The following GRID2 variants were observed in gnomAD, a reference collection of about 807,000 sequenced individuals.
GRID2 encodes the protein glutamate receptor ionotropic, delta-2.
A neutral mutation model predicts 114.8 loss-of-function variants in GRID2; 33 were observed. That is an observed-to-expected ratio of 0.29 (90% CI 0.22 to 0.38). GRID2 has a LOEUF of 0.38. GRID2 is among the 10% of genes least tolerant of loss of function. The pLI, the probability that GRID2 is intolerant of heterozygous loss-of-function variation, is 1.00. For missense variants in GRID2, 1,184 were observed against 1,257.7 expected (o/e 0.94, Z 0.89); for synonymous variants, 505 against 449.9 (o/e 1.12, Z -1.55).
At chr4:92,794,874 T>TTTTATATATATA (rs139320071) in intron 2 of GRID2, among the ~76,000 whole-genome samples, 9 of 106,034 alleles carry the variant, frequency 8.5e-5, no homozygotes, top group African/African-American at 3.7e-4. Context: ...AATAATTGTT[T>TTTTATATATATA]TATATATATA....
chr4:93,593,747 C>T (rs962151131), intron 13 of GRID2, among the ~76,000 whole-genome samples: 9 of 152,208 alleles, frequency 5.9e-5, no homozygotes, highest in African/African-American at 1.9e-4. Flanking sequence ...GGAGGCTTTG[C>T]TCGTTTCTTT....
intron 2 of GRID2, among the ~76,000 whole-genome samples, chr4:92,953,530 T>C (rs1211754690): frequency 6.6e-6 from 1 of 152,186 alleles, no homozygotes; most frequent in Admixed American, 6.5e-5. Context: ...TTTAATATTA[T>C]ATTTTCTCTT....
chr4:93,168,144 C>T (rs6825178), intron 4 of GRID2, among the ~76,000 whole-genome samples: 4 of 151,518 alleles, frequency 2.6e-5, no homozygotes, highest in Admixed American at 6.6e-5. Context: ...TGCGGTGAGC[C>T]GTGATTGAGA....
intron 13 of GRID2, among the ~76,000 whole-genome samples, chr4:93,613,185 G>A (rs930570910): frequency 2.3e-4 from 35 of 149,158 alleles, no homozygotes; most frequent in African/African-American, 7.6e-4. Context: ...ACACTTCTCT[G>A]TATTGGTTAT....
chr4:92,683,300 GA>G (rs571344465), intron 2 of GRID2, among the ~76,000 whole-genome samples: 9 of 148,936 alleles, frequency 6.0e-5, no homozygotes, highest in South Asian at 2.1e-4. Context: ...CTCCATATCA[GA>G]AAAAAAAAAT....
chr4:92,935,232 A>G (rs1279183361), intron 2 of GRID2, among the ~76,000 whole-genome samples: 2 of 147,176 alleles, frequency 1.4e-5, no homozygotes, highest in African/African-American at 4.9e-5. Context: ...AAGGACATGA[A>G]CAGACACTTC....
chr4:92,548,401 A>ATTTTTTTTTTCTTTTTT (rs1726386491), intron 1 of GRID2, among the ~76,000 whole-genome samples: 1 of 60,808 alleles, frequency 1.6e-5, no homozygotes, highest in Non-Finnish European at 2.7e-5. Flanking sequence ...AGACTGTGTA[A>ATTTTTTTTTTCTTTTTT]TTTTTTTTTT....
chr4:93,615,408 G>C (rs1430815166), intron 13 of GRID2, among the ~76,000 whole-genome samples: 1 of 152,098 alleles, frequency 6.6e-6, no homozygotes, highest in East Asian at 1.9e-4. Flanking sequence ...TGTGAAATTG[G>C]TGCTAGATTC....
At chr4:92,713,468 TACATATAC>T (rs1293729584) in intron 2 of GRID2, among the ~76,000 whole-genome samples, 17 of 84,150 alleles carry the variant, frequency 2.0e-4, no homozygotes, top group African/African-American at 6.4e-4. Flanking sequence ...TATTTACATA[TACATATAC>T]ATATATATAT....
chr4:93,477,656 A>C (rs1725448846), intron 11 of GRID2, among the ~76,000 whole-genome samples: 1 of 152,136 alleles, frequency 6.6e-6, no homozygotes, highest in Non-Finnish European at 1.5e-5. Flanking sequence ...TTTGCTAATT[A>C]ATGTTCTGGA....
In GRID2 at chr4:93,258,295, G is replaced by T. The variant is rs139079243; in HGVS notation, c.1245+19805G>T. 3.6e-3 allele frequency among the ~76,000 whole-genome samples: 545 copies of T among 151,552 alleles called. 4 individuals carry two copies. Among genetic ancestry groups the T allele is most frequent in the African/African-American group, 0.013 (524 of 41,446 alleles). ...TTCACTTGCAATAAGGAAAAAAAAT[G>T]ACAATGATAAAAACTAGCAAAGATA... On this transcript the variant is annotated intron_variant, in intron 8 of 15. Coordinates refer to ENST00000282020, the MANE Select transcript of GRID2 (RefSeq NM_001510.4).
chr4:93,456,351 T>C (rs1228760455), intron 11 of GRID2, among the ~76,000 whole-genome samples: 1 of 152,228 alleles, frequency 6.6e-6, no homozygotes, highest in Non-Finnish European at 1.5e-5. Flanking sequence ...TATTTACATA[T>C]GTAAGAAATG....
chr4:93,242,210 G>A (rs72872734), intron 8 of GRID2, among the ~76,000 whole-genome samples: 1,779 of 151,966 alleles, frequency 0.012, 36 homozygotes, highest in African/African-American at 0.041. Context: ...GCAGCAGAAG[G>A]CATTGGCAAT....
At chr4:93,633,225 T>C (rs542656004) in intron 14 of GRID2, among the ~76,000 whole-genome samples, 1 of 152,012 alleles carries the variant, frequency 6.6e-6, no homozygotes, top group East Asian at 1.9e-4. Context: ...CTATAAACTA[T>C]TAGAATATTT....
intron 2 of GRID2, among the ~76,000 whole-genome samples, chr4:92,926,738 C>T (rs1749836569): frequency 6.6e-6 from 1 of 151,862 alleles, no homozygotes; most frequent in Admixed American, 6.6e-5. Flanking sequence ...TTATAGAGAA[C>T]AGTTCTGGAA....
intron 13 of GRID2, among the ~76,000 whole-genome samples, chr4:93,534,929 G>C (rs1248799654): frequency 1.3e-5 from 2 of 149,264 alleles, no homozygotes; most frequent in African/African-American, 4.9e-5. Flanking sequence ...ATTAATCATA[G>C]TCACCATGCT....
At chr4:93,756,361 G>T (rs1732748046) in intron 14 of GRID2, among the ~76,000 whole-genome samples, 1 of 152,300 alleles carries the variant, frequency 6.6e-6, no homozygotes. Flanking sequence ...ATGTTTCTTA[G>T]TCTGCCCAGG....
At chr4:93,038,947 A>G (rs1725216281) in intron 2 of GRID2, among the ~76,000 whole-genome samples, 1 of 152,170 alleles carries the variant, frequency 6.6e-6, no homozygotes, top group African/African-American at 2.4e-5. Flanking sequence ...ATACCATTTG[A>G]CCCAGCAATC....
At chr4:93,636,143 G>A (rs1405332675) in intron 14 of GRID2, among the ~76,000 whole-genome samples, 1 of 152,096 alleles carries the variant, frequency 6.6e-6, no homozygotes, top group East Asian at 1.9e-4. Context: ...TGAGCTACAG[G>A]GAAGATAAAT....
Sources: allele counts gnomAD v4.1 joint callset (sites outside exome capture counted in the v4.1 genomes callset), GRCh38; gene constraint gnomAD v4.1.1; transcripts MANE v1.5; gene names NCBI Gene and HGNC (gene_info 2026-07-23, HGNC 2026-07-21).